The following GRIN2B variants were observed in gnomAD, a reference collection of about 807,000 sequenced individuals.
The protein encoded by GRIN2B is glutamate receptor ionotropic, NMDA 2B.
GRIN2B carries 5 observed loss-of-function variants against 114.5 expected under a neutral mutation model. That is an observed-to-expected ratio of 0.04 (90% CI 0.02 to 0.09). The LOEUF is 0.09. Among genes scored for constraint, GRIN2B ranks in the 10% least tolerant of loss-of-function variants. GRIN2B has a pLI of 1.00. For synonymous variants in GRIN2B, 787 were observed against 745.1 expected (o/e 1.06, Z -0.92); for missense variants, 1,108 against 1,943.5 (o/e 0.57, Z 8.08).
intron 2 of GRIN2B, among the ~76,000 whole-genome samples, chr12:13,951,448 G>C (rs1435701796): frequency 1.3e-5 from 2 of 152,148 alleles, no homozygotes; most frequent in African/African-American, 4.8e-5. Flanking sequence ...TAAATGTAAG[G>C]GTGAAGAAGT....
At chr12:13,954,538 C>T (rs1162082536) in intron 2 of GRIN2B, among the ~76,000 whole-genome samples, 1 of 151,992 alleles carries the variant, frequency 6.6e-6, no homozygotes, top group Non-Finnish European at 1.5e-5. Context: ...GGGTGACATT[C>T]ATATGAAAGT....
intron 5 of GRIN2B, among the ~76,000 whole-genome samples, chr12:13,656,256 A>T (rs1949862215): frequency 6.6e-6 from 1 of 152,234 alleles, no homozygotes; most frequent in Non-Finnish European, 1.5e-5. Context: ...ATTGTTTCTA[A>T]TTTTGAAGGA....
intron 3 of GRIN2B, among the ~76,000 whole-genome samples, chr12:13,788,599 C>T (rs769857694): frequency 5.3e-5 from 8 of 152,180 alleles, no homozygotes; most frequent in Non-Finnish European, 1.0e-4. Flanking sequence ...ACACAGAAAT[C>T]ACCTGGTGCC....
chr12:13,706,598 C>T (rs966688142), intron 4 of GRIN2B, among the ~76,000 whole-genome samples: 5 of 152,092 alleles, frequency 3.3e-5, no homozygotes, highest in Non-Finnish European at 7.4e-5. Flanking sequence ...CACATTTCCT[C>T]CTGTAGCCTG....
In GRIN2B at chr12:13,550,058, T is replaced by A. The variant is rs1948391204; in HGVS notation, c.*12725A>T. 1 of 152,224 alleles carries A rather than the reference T, an allele frequency of 6.6e-6. No individual in the cohort carries two copies. Among genetic ancestry groups the A allele is most frequent in the African/African-American group, 2.4e-5 (1 of 41,462 alleles). The allele number at this position is 152,224 out of a possible 1,614,324, so 9.4% of individuals were successfully genotyped here. On this transcript the variant is annotated 3_prime_UTR_variant, in exon 14 of 14. Coordinates refer to ENST00000609686, the MANE Select transcript of GRIN2B (RefSeq NM_000834.5). The stretch of plus-strand genomic sequence containing the variant: ...TTGGTTCAGCCAAGTTTTGGTTCTG[T>A]CAAGAATTTTCTGTATAATCTTACT...
intron 3 of GRIN2B, among the ~76,000 whole-genome samples, chr12:13,791,977 G>A (rs560149111): frequency 6.6e-6 from 1 of 152,212 alleles, no homozygotes; most frequent in South Asian, 2.1e-4. Context: ...ACCCTTCCCG[G>A]CCTCTGGTCA....
chr12:13,757,919 A>G (rs1452411467), intron 3 of GRIN2B, among the ~76,000 whole-genome samples: 1 of 152,188 alleles, frequency 6.6e-6, no homozygotes. Flanking sequence ...CCTCTTCTGC[A>G]TCATCCAGAT....
At chr12:13,604,691 C>A (rs1048844519) in intron 10 of GRIN2B, among the ~76,000 whole-genome samples, 1 of 152,192 alleles carries the variant, frequency 6.6e-6, no homozygotes, top group Non-Finnish European at 1.5e-5. Context: ...TTACCATACC[C>A]TGTCCCAATA....
At chr12:13,611,171 T>C (rs1805525) in intron 9 of GRIN2B, among the ~76,000 whole-genome samples, 11,162 of 152,196 alleles carry the variant, frequency 0.073, 593 homozygotes, top group South Asian at 0.14. Context: ...TGAGTGAGAA[T>C]TGGTCTTTCC....
At chr12:13,834,252 TG>T (rs1865212368) in intron 3 of GRIN2B, among the ~76,000 whole-genome samples, 1 of 148,138 alleles carries the variant, frequency 6.8e-6, no homozygotes. Context: ...TTAGCCACAA[TG>T]GTCTGGATCT....
rs1948430203 is a variant in GRIN2B, at chr12:13,552,824, A to T, written c.*9959T>A. 1 of 152,286 alleles carries T rather than the reference A, an allele frequency of 6.6e-6. No homozygotes were observed. The highest frequency in any genetic ancestry group is 2.4e-5 in the African/African-American group (1 of 41,538). The allele number at this position is 152,286 out of a possible 1,614,324, so 9.4% of individuals were successfully genotyped here. ...TTCACTAGGTATCTCCCAAGTTGTC[A>T]CAAGTTTTGCCCTACCTTGCCAATA... On this transcript the variant is annotated 3_prime_UTR_variant, in exon 14 of 14. Transcript: ENST00000609686.
chr12:13,932,648 T>C (rs219889), intron 2 of GRIN2B, among the ~76,000 whole-genome samples: 143,579 of 152,266 alleles, frequency 0.94, 67,911 homozygotes, highest in East Asian at 1. Flanking sequence ...GGCCTTTCTA[T>C]GATGCCTACC....
intron 3 of GRIN2B, among the ~76,000 whole-genome samples, chr12:13,755,293 G>T (rs1863557538): frequency 6.6e-6 from 1 of 152,260 alleles, no homozygotes; most frequent in South Asian, 2.1e-4. Flanking sequence ...AAAAATACAG[G>T]TTGGGAAATA....
Position 13,731,132 on chromosome 12 carries a change from T to A in GRIN2B, c.1010+22185A>T, listed in dbSNP as rs375357814. Among the ~76,000 whole-genome samples the A allele has an allele frequency of 1.1e-4, 16 of 152,312 alleles. No individual in the cohort carries two copies. The East Asian group carries it at 2.1e-3, about 20-fold the overall frequency. Reference sequence around the variant, plus strand: ...CTCAGCTGGGCCACTGACAGTTGTATCCACTCTATGCTGATAAATTTTAAA... The same window carrying A: ...CTCAGCTGGGCCACTGACAGTTGTAACCACTCTATGCTGATAAATTTTAAA... On this transcript the variant is annotated intron_variant, in intron 4 of 13. Coordinates refer to ENST00000609686, the MANE Select transcript of GRIN2B (RefSeq NM_000834.5).
Position 13,552,431 on chromosome 12 carries a change from A to C in GRIN2B, c.*10352T>G, listed in dbSNP as rs934142569. 1 of 152,170 alleles carries C rather than the reference A, an allele frequency of 6.6e-6. No homozygotes were observed. The highest frequency in any genetic ancestry group is 2.4e-5 in the African/African-American group (1 of 41,436). The allele number at this position is 152,170 out of a possible 1,614,324, so 9.4% of individuals were successfully genotyped here. The stretch of plus-strand genomic sequence containing the variant: ...GTCAGCTTCTGGCTTTATTGGTGAC[A>C]CAAAAGGAAGCTCCAGTGTAGACTT... On this transcript the variant is annotated 3_prime_UTR_variant, in exon 14 of 14. Coordinates refer to ENST00000609686, the MANE Select transcript of GRIN2B (RefSeq NM_000834.5).
chr12:13,547,981 A>ATATTTTTTTTTT lies in GRIN2B; in HGVS notation c.*14801_*14802insAAAAAAAAAATA. 2.9e-5 allele frequency: 2 copies of ATATTTTTTTTTT among 68,596 alleles called. No individual in the cohort carries two copies. Among genetic ancestry groups the ATATTTTTTTTTT allele is most frequent in the African/African-American group, 4.6e-5 (1 of 21,784 alleles). The allele number at this position is 68,596 out of a possible 1,614,324, so 4.2% of individuals were successfully genotyped here. A position where few individuals can be genotyped will look rare whatever the true frequency, so the allele number is the denominator to read the frequency against. ...TGTGTATATATATATATATATATATATTTTTTTTTTTTTTCTGAAAGCTAC... is the reference window on the plus strand; with the variant it reads ...TGTGTATATATATATATATATATATATATTTTTTTTTTTTTTTTTTTTTTTTCTGAAAGCTAC... On this transcript the variant is annotated 3_prime_UTR_variant, in exon 14 of 14. Transcript: ENST00000609686.
At chr12:13,570,248 T>C (rs549553377) in intron 11 of GRIN2B, among the ~76,000 whole-genome samples, 1 of 152,288 alleles carries the variant, frequency 6.6e-6, no homozygotes, top group South Asian at 2.1e-4. Context: ...ATGATGAGAA[T>C]GTAAGTTGGG....
At chr12:13,825,496 T>TTTTTTGTGTGTGTGTG (rs375940899) in intron 3 of GRIN2B, among the ~76,000 whole-genome samples, 7 of 122,970 alleles carry the variant, frequency 5.7e-5, no homozygotes, top group African/African-American at 2.2e-4. Context: ...TATATATATT[T>TTTTTTGTGTGTGTGTG]TGTGTGTGTG....
chr12:13,703,261 A>G (rs1950328296), intron 4 of GRIN2B, among the ~76,000 whole-genome samples: 1 of 151,944 alleles, frequency 6.6e-6, no homozygotes, highest in South Asian at 2.1e-4. Flanking sequence ...AGGCCTTTAA[A>G]CCCCTCCCTT....
Sources: gnomAD v4.1 joint callset for allele counts (sites outside exome capture counted in the v4.1 genomes callset) on GRCh38, gnomAD v4.1.1 for gene constraint, MANE v1.5 for transcripts, NCBI Gene and HGNC (gene_info 2026-07-23, HGNC 2026-07-21) for gene names.